NRXN3: variants seen among roughly 807,000 people sequenced by gnomAD.
NRXN3 encodes the protein neurexin III.
Under a neutral mutation model 137.6 loss-of-function variants are expected in NRXN3, and 32 were observed. That is an observed-to-expected ratio of 0.23 (90% CI 0.18 to 0.31). The LOEUF is 0.31. Among genes scored for constraint, NRXN3 ranks in the 10% least tolerant of loss-of-function variants. The pLI, the probability that NRXN3 is intolerant of heterozygous loss-of-function variation, is 1.00. For missense variants in NRXN3, 1,574 were observed against 2,062.5 expected (o/e 0.76, Z 4.59); for synonymous variants, 798 against 784.5 (o/e 1.02, Z -0.29).
intron 15 of NRXN3, among the ~76,000 whole-genome samples, chr14:79,436,644 A>G (rs528545475): frequency 1.3e-5 from 2 of 152,176 alleles, no homozygotes; most frequent in African/African-American, 2.4e-5. Context: ...TTGATCTGCT[A>G]AGAAAAGACA....
chr14:78,244,196 G>A lies in NRXN3; in HGVS notation c.709+394G>A, dbSNP rs539938396. Among the ~76,000 whole-genome samples, 438 of 152,228 alleles carry A rather than the reference G, an allele frequency of 2.9e-3. 1 individual carries two copies. The highest frequency in any genetic ancestry group is 0.01 in the African/African-American group (419 of 41,554). ...TGTAATCCTAGCACTTTGGGAGGCC[G>A]AAGCGGGCAGATCACTTGAGGTCAG... On this transcript the variant is annotated intron_variant, in intron 2 of 20. Transcript: ENST00000335750.
intron 8 of NRXN3, among the ~76,000 whole-genome samples, chr14:78,766,024 AGCACCTAG>A (rs2098707866): frequency 6.6e-6 from 1 of 152,226 alleles, no homozygotes; most frequent in East Asian, 1.9e-4. Context: ...GCAGAAGCCC[AGCACCTAG>A]CCCATCAAGC....
chr14:79,360,587 G>A (rs1177559520), intron 15 of NRXN3, among the ~76,000 whole-genome samples: 1 of 152,218 alleles, frequency 6.6e-6, no homozygotes, highest in African/African-American at 2.4e-5. Flanking sequence ...CTCAGTAATA[G>A]CTCGTGCCTT....
chr14:79,705,633 C>T (rs1398561697), intron 19 of NRXN3, among the ~76,000 whole-genome samples: 1 of 152,132 alleles, frequency 6.6e-6, no homozygotes, highest in Non-Finnish European at 1.5e-5. Context: ...CCAAGCGTGC[C>T]TGTGCCTTTT....
At chr14:79,315,397 A>C (rs1392024673) in intron 15 of NRXN3, among the ~76,000 whole-genome samples, 1 of 152,218 alleles carries the variant, frequency 6.6e-6, no homozygotes, top group East Asian at 1.9e-4. Flanking sequence ...CCAATGCTCC[A>C]TCCTATTCGA....
intron 19 of NRXN3, among the ~76,000 whole-genome samples, chr14:79,731,197 C>G (rs1381427246): frequency 6.6e-6 from 1 of 152,146 alleles, no homozygotes; most frequent in Non-Finnish European, 1.5e-5. Flanking sequence ...CTGCTTCTGC[C>G]TGATTTGCTT....
At chr14:78,413,053 A>G (rs1435485487) in intron 4 of NRXN3, among the ~76,000 whole-genome samples, 1 of 152,210 alleles carries the variant, frequency 6.6e-6, no homozygotes, top group Non-Finnish European at 1.5e-5. Context: ...GAAGGCATCA[A>G]GATGATTGTC....
intron 4 of NRXN3, among the ~76,000 whole-genome samples, chr14:78,311,602 A>T (rs2077987635): frequency 1.3e-5 from 2 of 152,178 alleles, no homozygotes; most frequent in South Asian, 4.1e-4. Context: ...GTGTGGCCTA[A>T]GTCAATTCTT....
chr14:79,027,157 T>C (rs1434607348), intron 15 of NRXN3, among the ~76,000 whole-genome samples: 14 of 151,622 alleles, frequency 9.2e-5, no homozygotes, highest in Admixed American at 9.2e-4. Context: ...TTATATCTAT[T>C]TGAAATGTGT....
intron 10 of NRXN3, among the ~76,000 whole-genome samples, chr14:78,838,963 A>G (rs376040351): frequency 6.6e-6 from 1 of 152,080 alleles, no homozygotes; most frequent in African/African-American, 2.4e-5. Context: ...CATTTAGGTT[A>G]TTTGCTGAAA....
chr14:78,638,885 G>A (rs2097589539), intron 4 of NRXN3, among the ~76,000 whole-genome samples: 1 of 152,176 alleles, frequency 6.6e-6, no homozygotes, highest in South Asian at 2.1e-4. Context: ...GTGCAATCGT[G>A]GACTTATTCC....
At chr14:79,705,685 T>C (rs1213928127) in intron 19 of NRXN3, among the ~76,000 whole-genome samples, 1 of 152,102 alleles carries the variant, frequency 6.6e-6, no homozygotes, top group African/African-American at 2.4e-5. Context: ...TTCCCTGCTA[T>C]TCACAGTACT....
intron 4 of NRXN3, chr14:78,602,510 T>A (rs2097210531): frequency 6.6e-6 from 1 of 152,216 alleles, no homozygotes; most frequent in Non-Finnish European, 1.5e-5. Context: ...TGCCTTTTCA[T>A]GTCTGATGTA....
chr14:79,315,667 G>A (rs112511502), intron 15 of NRXN3, among the ~76,000 whole-genome samples: 8 of 152,220 alleles, frequency 5.3e-5, no homozygotes, highest in African/African-American at 1.9e-4. Context: ...AACTTATGTA[G>A]TTTTTCCTAA....
intron 6 of NRXN3, among the ~76,000 whole-genome samples, chr14:78,705,404 A>T (rs914910786): frequency 6.6e-6 from 1 of 152,170 alleles, no homozygotes; most frequent in African/African-American, 2.4e-5. Flanking sequence ...TGCACAGAGC[A>T]GGTGGGGAAG....
chr14:78,658,147 G>A (rs1214165433), intron 6 of NRXN3, among the ~76,000 whole-genome samples: 2 of 152,126 alleles, frequency 1.3e-5, no homozygotes, highest in African/African-American at 4.8e-5. Flanking sequence ...GAAGACTACT[G>A]TGCAGCGTAG....
chr14:79,467,978 C>G (rs1265627719), intron 16 of NRXN3, among the ~76,000 whole-genome samples: 1 of 152,172 alleles, frequency 6.6e-6, no homozygotes, highest in South Asian at 2.1e-4. Flanking sequence ...TTAGTGACCC[C>G]TGTCCTAGGC....
chr14:78,530,870 C>G (rs34920418), intron 4 of NRXN3, among the ~76,000 whole-genome samples: 33,560 of 151,976 alleles, frequency 0.22, 4,080 homozygotes, highest in Middle Eastern at 0.32. Flanking sequence ...GATACATTGT[C>G]CCCACCCCTG....
At position 78,537,221 on chromosome 14, in the gene NRXN3, C is replaced by A. The variant is rs536559736; in HGVS notation, c.758-107899C>A. ...TGGTTGAACTAATTTACACTCCCACCAACAGTGTAAAAGCATTCCTATTTC... is the reference window on the plus strand; with the variant it reads ...TGGTTGAACTAATTTACACTCCCACAAACAGTGTAAAAGCATTCCTATTTC... On this transcript the variant is annotated intron_variant, in intron 4 of 20. Transcript: ENST00000335750. Among the ~76,000 whole-genome samples, 42 of 152,330 alleles carry A rather than the reference C, an allele frequency of 2.8e-4. No individual in the cohort carries two copies. The South Asian group carries it at 7.0e-3, about 26-fold the overall frequency.
Sources: gnomAD v4.1 joint callset for allele counts (sites outside exome capture counted in the v4.1 genomes callset) on GRCh38, gnomAD v4.1.1 for gene constraint, MANE v1.5 for transcripts, NCBI Gene and HGNC (gene_info 2026-07-23, HGNC 2026-07-21) for gene names.